The following USP45 variants were observed in gnomAD, a reference collection of about 807,000 sequenced individuals.
The protein encoded by USP45 is ubiquitin specific peptidase 45, also known as ubiquitin carboxyl-terminal hydrolase 45.
Under a neutral mutation model 95.8 loss-of-function variants are expected in USP45, and 89 were observed. That is an observed-to-expected ratio of 0.93 (90% CI 0.78 to 1.11). The LOEUF (loss-of-function observed/expected upper bound fraction) is 1.11. Among genes scored for constraint, USP45 ranks in the 50% least tolerant of loss-of-function variants. USP45 has a pLI of 0.00. For missense variants in USP45, 898 were observed against 942.5 expected, an observed-to-expected ratio of 0.95 and a Z score of 0.62; for synonymous variants, 281 against 316.2, an observed-to-expected ratio of 0.89 and a Z score of 1.18.
At chr6:99,445,258 G>A (rs1168538375) in intron 14 of USP45, among the ~76,000 whole-genome samples, 1 of 152,126 alleles carries the variant, frequency 6.6e-6, no homozygotes, top group Non-Finnish European at 1.5e-5. Flanking sequence ...GCCAAGGCGG[G>A]TGGATCATGA....
chr6:99,510,577 C>T (rs1799556521), intron 1 of USP45, among the ~76,000 whole-genome samples: 1 of 152,122 alleles, frequency 6.6e-6, no homozygotes. Context: ...ATGAATGAGA[C>T]TGGCCTCTTA....
intron 1 of USP45, among the ~76,000 whole-genome samples, chr6:99,512,571 C>T (rs7738617): frequency 0.24 from 36,884 of 152,080 alleles, 4,747 homozygotes; most frequent in East Asian, 0.37. Context: ...AGCAACATCG[C>T]AATTTTCATG....
chr6:99,474,500 A>AT (rs978257237), intron 9 of USP45, among the ~76,000 whole-genome samples: 1 of 152,090 alleles, frequency 6.6e-6, no homozygotes, highest in Non-Finnish European at 1.5e-5. Flanking sequence ...ATCTGGCAGA[A>AT]TTTTTTTTAA....
chr6:99,508,141 G>C (rs993414078), intron 3 of USP45, among the ~76,000 whole-genome samples: 1 of 152,006 alleles, frequency 6.6e-6, no homozygotes, highest in African/African-American at 2.4e-5. Flanking sequence ...TGGACATTTT[G>C]TGTGAAATAA....
intron 14 of USP45, among the ~76,000 whole-genome samples, chr6:99,444,118 C>T (rs1428448457): frequency 1.3e-5 from 2 of 151,980 alleles, no homozygotes; most frequent in Admixed American, 1.3e-4. Flanking sequence ...CACAAGCAAT[C>T]CTCCCACCTC....
At chr6:99,483,587 C>T (rs1441111111) in intron 7 of USP45, among the ~76,000 whole-genome samples, 1 of 151,978 alleles carries the variant, frequency 6.6e-6, no homozygotes, top group African/African-American at 2.4e-5. Flanking sequence ...GCCTGTAATC[C>T]CAGCACTTTG....
chr6:99,498,899 A>G (rs1301939191), intron 5 of USP45, among the ~76,000 whole-genome samples: 1 of 152,170 alleles, frequency 6.6e-6, no homozygotes, highest in Non-Finnish European at 1.5e-5. Context: ...TTTGAAAGTT[A>G]TCTTTTCTAC....
intron 7 of USP45, among the ~76,000 whole-genome samples, chr6:99,484,345 T>A (rs1014514762): frequency 6.7e-6 from 1 of 149,788 alleles, no homozygotes; most frequent in African/African-American, 2.5e-5. Context: ...TTTTTAAAAT[T>A]TTTGTAGAGA....
Position 99,496,257 on chromosome 6 carries a change from T to A in USP45, c.479-7437A>T, listed in dbSNP as rs180779519. On this transcript the variant is annotated intron_variant, in intron 5 of 17. Coordinates refer to ENST00000500704, the MANE Select transcript of USP45 (RefSeq NM_001346022.3). ...CCTTAGCCTCCCAAAGTGCTGGGAT[T>A]ACAGGCATGAGCCATACATGTGCCC... is the stretch of plus-strand genomic sequence containing the variant. Among the ~76,000 whole-genome samples the A allele has an allele frequency of 3.2e-3, 483 of 152,256 alleles. 2 individuals carry two copies. The highest frequency in any genetic ancestry group is 0.011 in the African/African-American group (459 of 41,546).
chr6:99,454,398 G>A (rs1287843320), intron 13 of USP45, among the ~76,000 whole-genome samples: 1 of 152,126 alleles, frequency 6.6e-6, no homozygotes, highest in Non-Finnish European at 1.5e-5. Context: ...CATTAGTCTA[G>A]GTAATGATTT....
chr6:99,435,598 C>T lies in USP45; in HGVS notation c.*118G>A. On this transcript the variant is annotated 3_prime_UTR_variant, in exon 18 of 18. Transcript: ENST00000500704. ...CCAAAATGGTGAAAAAGTTCAGGAC[C>T]ATTTGAGGAACATGCTATTCCTACA... is the stretch of plus-strand genomic sequence containing the variant. 1.2e-6 allele frequency: 1 copy of T among 819,694 alleles called. No individual in the cohort carries two copies. Among genetic ancestry groups the T allele is most frequent in the Non-Finnish European group, 1.8e-6 (1 of 570,262 alleles). The allele number at this position is 819,694 out of a possible 1,614,324, so 50.8% of individuals were successfully genotyped here.
At chr6:99,485,175 C>CAAAAAAAAA (rs1190400783) in intron 7 of USP45, among the ~76,000 whole-genome samples, 83 of 88,570 alleles carry the variant, frequency 9.4e-4, no homozygotes, top group East Asian at 2.1e-3. Flanking sequence ...ACTAAAAATA[C>CAAAAAAAAA]AAAAAAAAAA....
chr6:99,438,807 A>G (rs897083857), intron 16 of USP45, among the ~76,000 whole-genome samples: 1 of 152,168 alleles, frequency 6.6e-6, no homozygotes, highest in African/African-American at 2.4e-5. Flanking sequence ...TAGTGTGTGG[A>G]TAGGGCAGGA....
At chr6:99,478,220 GTTTTTTTT>G (rs71021740) in intron 8 of USP45, among the ~76,000 whole-genome samples, 81 of 99,446 alleles carry the variant, frequency 8.1e-4, no homozygotes, top group Middle Eastern at 7.4e-3. Context: ...ACTTAGATTT[GTTTTTTTT>G]TTTTTTTTTT....
At chr6:99,460,410 T>G (rs1786136102) in intron 13 of USP45, among the ~76,000 whole-genome samples, 1 of 152,180 alleles carries the variant, frequency 6.6e-6, no homozygotes, top group African/African-American at 2.4e-5. Flanking sequence ...AAGAGTAAAT[T>G]GAGCCAACAC....
intron 13 of USP45, among the ~76,000 whole-genome samples, chr6:99,463,938 G>A (rs1340961541): frequency 6.6e-6 from 1 of 150,752 alleles, no homozygotes; most frequent in Non-Finnish European, 1.5e-5. Context: ...AATAATGACT[G>A]AATCCTTATT....
Position 99,439,786 on chromosome 6 carries a change from A to G in USP45, c.2143T>C (p.Cys715Arg), listed in dbSNP as rs773622429. ...TACTGTACCTTACAAGTAGCAGAGC[A>G]GAATGGTGCTAAATCGAGCATAAGT... ...FPLMLDLAPF[C>R]SATCKNASVG... The change falls in exon 16 of 18, where the codon TGC becomes CGC. Residue 715 changes from cysteine (C) to arginine (R), a missense_variant. By Grantham distance (180) the Cys-to-Arg change is radical. Coordinates refer to ENST00000500704, the MANE Select transcript of USP45 (RefSeq NM_001346022.3). 1.9e-6 allele frequency: 3 copies of G among 1,602,888 alleles called. No homozygotes were observed.
intron 13 of USP45, among the ~76,000 whole-genome samples, chr6:99,458,977 A>G (rs1288522667): frequency 1.3e-5 from 2 of 152,164 alleles, no homozygotes; most frequent in Non-Finnish European, 2.9e-5. Flanking sequence ...TTGAACAGCA[A>G]TGAGATTTAT....
intron 5 of USP45, 96 bp downstream of exon 5, chr6:99,503,669 G>C (rs1562443409): frequency 3.7e-6 from 3 of 813,484 alleles, no homozygotes; most frequent in Non-Finnish European, 3.7e-6. Context: ...TGGCTGGGCT[G>C]TCACAGTAAA....
Sources: allele counts gnomAD v4.1 joint callset (sites outside exome capture counted in the v4.1 genomes callset), GRCh38; gene constraint gnomAD v4.1.1; transcripts MANE v1.5; gene names NCBI Gene and HGNC (gene_info 2026-07-23, HGNC 2026-07-21).